The following LRRTM4 variants were observed in gnomAD, a reference collection of about 807,000 sequenced individuals.
LRRTM4 encodes leucine rich repeat transmembrane neuronal 4, also known as leucine-rich repeat transmembrane neuronal protein 4.
Under a neutral mutation model 47.6 loss-of-function variants are expected in LRRTM4, and 25 were observed. The observed-to-expected ratio is 0.53, with a 90% CI of 0.38 to 0.73. The LOEUF is 0.73. Ranked by LOEUF, LRRTM4 falls within the 30% of genes least tolerant of loss-of-function variation. The pLI is 0.00. For missense variants in LRRTM4, 638 were observed against 713.4 expected (o/e 0.89, Z 1.20); for synonymous variants, 311 against 269.5 (o/e 1.15, Z -1.51).
At chr2:76,778,772 C>G (rs1414782243) in intron 3 of LRRTM4, among the ~76,000 whole-genome samples, 20 of 150,640 alleles carry the variant, frequency 1.3e-4, no homozygotes, top group African/African-American at 2.7e-4. Context: ...CAGTTCTGCT[C>G]TGAGTTTAGT....
At chr2:77,172,717 C>T (rs7582756) in intron 3 of LRRTM4, among the ~76,000 whole-genome samples, 99,231 of 152,144 alleles carry the variant, frequency 0.65, 32,384 homozygotes, top group African/African-American at 0.7. Flanking sequence ...CCCAAAAAAA[C>T]GCATAGACGG....
chr2:77,036,750 A>G (rs926478039), intron 3 of LRRTM4, among the ~76,000 whole-genome samples: 5 of 151,716 alleles, frequency 3.3e-5, no homozygotes, highest in Non-Finnish European at 7.4e-5. Flanking sequence ...ATTGCTGAAT[A>G]TCTGAGAGAA....
intron 3 of LRRTM4, among the ~76,000 whole-genome samples, chr2:77,209,540 G>A (rs991246272): frequency 2.0e-5 from 3 of 152,062 alleles, no homozygotes; most frequent in East Asian, 3.9e-4. Flanking sequence ...CACAGATAAT[G>A]TTTTAGAGGT....
chr2:77,491,827 T>G (rs1237314719), intron 3 of LRRTM4, among the ~76,000 whole-genome samples: 1 of 151,932 alleles, frequency 6.6e-6, no homozygotes, highest in Non-Finnish European at 1.5e-5. Context: ...ATCAGAAATT[T>G]TATTTAAAAA....
At chr2:77,114,724 A>T (rs1298478027) in intron 3 of LRRTM4, among the ~76,000 whole-genome samples, 1 of 152,192 alleles carries the variant, frequency 6.6e-6, no homozygotes, top group Non-Finnish European at 1.5e-5. Context: ...GTGTCATCAC[A>T]TATTGGTAGG....
intron 3 of LRRTM4, among the ~76,000 whole-genome samples, chr2:76,873,687 T>G (rs1672702513): frequency 6.6e-6 from 1 of 151,518 alleles, no homozygotes; most frequent in South Asian, 2.1e-4. Context: ...GTGTGAGATG[T>G]GCTTCTGGGT....
chr2:77,487,657 G>T (rs1170724898), intron 3 of LRRTM4, among the ~76,000 whole-genome samples: 1 of 152,048 alleles, frequency 6.6e-6, no homozygotes, highest in Non-Finnish European at 1.5e-5. Context: ...CCACCTTCAG[G>T]CCACCAAAGG....
intron 3 of LRRTM4, among the ~76,000 whole-genome samples, chr2:77,122,866 G>A (rs1460912676): frequency 6.6e-6 from 1 of 151,744 alleles, no homozygotes; most frequent in African/African-American, 2.4e-5. Flanking sequence ...TACTATATGT[G>A]TTATTTTATC....
chr2:77,417,403 A>G (rs896551269), intron 3 of LRRTM4, among the ~76,000 whole-genome samples: 4 of 152,256 alleles, frequency 2.6e-5, no homozygotes, highest in South Asian at 2.1e-4. Context: ...TATATACCCA[A>G]AGGATTATAA....
intron 3 of LRRTM4, among the ~76,000 whole-genome samples, chr2:77,260,556 C>T (rs1184147490): frequency 6.6e-6 from 1 of 152,090 alleles, no homozygotes; most frequent in South Asian, 2.1e-4. Context: ...ACTACCACAA[C>T]ATTATGAAAG....
intron 3 of LRRTM4, among the ~76,000 whole-genome samples, chr2:77,113,644 T>C (rs959457870): frequency 2.6e-5 from 4 of 151,448 alleles, no homozygotes; most frequent in Non-Finnish European, 4.4e-5. Context: ...GAAAGGGGCA[T>C]TGGGGGAGCA....
chr2:77,238,664 T>C (rs909109416), intron 3 of LRRTM4, among the ~76,000 whole-genome samples: 2 of 151,868 alleles, frequency 1.3e-5, no homozygotes, highest in African/African-American at 4.8e-5. Context: ...TTCAAACTCC[T>C]TAAAACCAAA....
chr2:77,119,817 C>T (rs1167460535), intron 3 of LRRTM4, among the ~76,000 whole-genome samples: 5 of 151,810 alleles, frequency 3.3e-5, no homozygotes, highest in Admixed American at 1.3e-4. Flanking sequence ...CTCTTCCATG[C>T]TTCGTTTCTA....
chr2:76,845,709 A>G lies in LRRTM4; in HGVS notation c.1552-96793T>C, dbSNP rs373833844. Among the ~76,000 whole-genome samples the G allele has an allele frequency of 3.3e-5, 5 of 152,228 alleles. No individual in the cohort carries two copies. In the South Asian group the frequency reaches 1.0e-3, roughly 32 times the overall value. ...TTTTTCAGTCTTTTTTAACTCAAAA[A>G]TAAAATGGCTATTTATAAATGTGTC... On this transcript the variant is annotated intron_variant, in intron 3 of 3. Coordinates refer to ENST00000409884, the MANE Select transcript of LRRTM4 (RefSeq NM_001134745.3).
chr2:77,357,777 A>T (rs1421712304), intron 3 of LRRTM4, among the ~76,000 whole-genome samples: 1 of 152,160 alleles, frequency 6.6e-6, no homozygotes, highest in Non-Finnish European at 1.5e-5. Context: ...TGAGTGTAGC[A>T]TTAGTGTGCA....
At chr2:76,974,932 C>G (rs1357086010) in intron 3 of LRRTM4, among the ~76,000 whole-genome samples, 2 of 151,222 alleles carry the variant, frequency 1.3e-5, no homozygotes, top group Non-Finnish European at 3.0e-5. Flanking sequence ...TCTTTTTTCT[C>G]TTTTTTATAT....
intron 3 of LRRTM4, among the ~76,000 whole-genome samples, chr2:76,798,114 C>A (rs1372939245): frequency 6.6e-6 from 1 of 151,988 alleles, no homozygotes; most frequent in Non-Finnish European, 1.5e-5. Flanking sequence ...TAGACATCTA[C>A]TGAACTCTCC....
intron 3 of LRRTM4, among the ~76,000 whole-genome samples, chr2:77,043,897 A>G (rs1199655118): frequency 6.7e-6 from 1 of 149,468 alleles, no homozygotes. Flanking sequence ...TGCAGCCCAT[A>G]AACAGGTAAA....
At chr2:77,083,843 C>T in intron 3 of LRRTM4, among the ~76,000 whole-genome samples, 1 of 112,872 alleles carries the variant, frequency 8.9e-6, no homozygotes, top group Admixed American at 1.3e-4. Context: ...CTCGCTCTGT[C>T]GCCCAGGCTG....
Sources: gnomAD v4.1 joint callset for allele counts (sites outside exome capture counted in the v4.1 genomes callset) on GRCh38, gnomAD v4.1.1 for gene constraint, MANE v1.5 for transcripts, NCBI Gene and HGNC (gene_info 2026-07-23, HGNC 2026-07-21) for gene names.